Variants in TAF5 observed in about 807,000 individuals in gnomAD.
TAF5 encodes the protein transcription initiation factor TFIID subunit 5.
Under a neutral mutation model 80.9 loss-of-function variants are expected in TAF5, and 20 were observed. The ratio of observed to expected loss-of-function variants is 0.25; its 90% CI spans 0.17 to 0.36. TAF5 has a LOEUF of 0.36. Ranked by LOEUF, TAF5 falls within the 10% of genes least tolerant of loss-of-function variation. The pLI is 1.00. For synonymous variants in TAF5, 388 were observed against 406.4 expected, an observed-to-expected ratio of 0.95 and a Z score of 0.55; for missense variants, 863 against 1,029.4, an observed-to-expected ratio of 0.84 and a Z score of 2.21.
intron 1 of TAF5, 53 bp from the exon 2 acceptor site, chr10:103,373,305 G>C (rs1592090874): frequency 6.8e-7 from 1 of 1,475,938 alleles, no homozygotes; most frequent in East Asian, 2.3e-5. Flanking sequence ...TACAGCCATA[G>C]TCACATGGTC....
chr10:103,368,203 G>T lies in TAF5; in HGVS notation c.214G>T (p.Ala72Ser). The change falls in exon 1 of 11, where the codon GCC becomes TCC. Residue 72 changes from alanine to serine, a missense_variant. Physicochemically the swap from Ala to Ser is moderately conservative, Grantham distance 99 (BLOSUM62 1). Transcript: ENST00000369839. ...CCCCAAGCCCACGGTGGCTGTCTCCGCCGCTGCCCCGGCGGGGGCGGCCCC... is the reference window on the plus strand; with the variant it reads ...CCCCAAGCCCACGGTGGCTGTCTCCTCCGCTGCCCCGGCGGGGGCGGCCCC... Reference protein sequence around the residue: ...GTPKPTVAVSAAAPAGAAPVP... With the variant: ...GTPKPTVAVSSAAPAGAAPVP... 1 of 1,401,022 alleles carries T rather than the reference G, an allele frequency of 7.1e-7. No homozygotes were observed. 86.8% of individuals were successfully genotyped at this position (1,401,022 alleles called of 1,614,324 possible).
At chr10:103,369,853 G>A (rs2093355082) in intron 1 of TAF5, among the ~76,000 whole-genome samples, 1 of 152,162 alleles carries the variant, frequency 6.6e-6, no homozygotes, top group African/African-American at 2.4e-5. Flanking sequence ...GTTTAGGCAT[G>A]GGCATTGGAC....
chr10:103,385,341 C>T lies in TAF5; in HGVS notation c.1680C>T (p.Ser560=). The part of the protein sequence containing the change: ...SFSPDRNYLL[S]SSEDGTVRLW... ...CTTCTCTCAGGAACTATCTGCTTTC[C>T]TCTTCAGAGGACGGAACTGTTAGAT... The change falls in exon 8 of 11, where the codon TCC becomes TCT. Residue 560 remains serine, a synonymous_variant. Coordinates refer to ENST00000369839, the MANE Select transcript of TAF5 (RefSeq NM_006951.5). 2 of 1,609,798 alleles carry T rather than the reference C, an allele frequency of 1.2e-6. No individual in the cohort carries two copies. The highest frequency in any genetic ancestry group is 3.3e-4 in the Middle Eastern group (2 of 6,050).
At chr10:103,381,698 T>C (rs1426300679) in intron 5 of TAF5, 23 bp from the exon 6 acceptor site, 2 of 1,613,458 alleles carry the variant, frequency 1.2e-6, no homozygotes, top group Non-Finnish European at 1.7e-6. Flanking sequence ...TAGTATTGTT[T>C]AGTCTAACCC....
In TAF5 at chr10:103,378,289, T is replaced by C; in HGVS notation, c.852T>C (p.Ser284=). The C allele has an allele frequency of 6.2e-7, 1 of 1,614,180 alleles. No individual in the cohort carries two copies. Among genetic ancestry groups the C allele is most frequent in the Non-Finnish European group, 8.5e-7 (1 of 1,180,028 alleles). ...AGGATGACCTACGAGTATTATCTAG[T>C]CTTACCAAAAAGGAACACATGAAAG... ...YYQDDLRVLS[S]LTKKEHMKGN... Residue 284 remains serine, a synonymous_variant, in exon 3 of 11, where the codon AGT becomes AGC. Coordinates refer to ENST00000369839, the MANE Select transcript of TAF5 (RefSeq NM_006951.5). The surrounding 1 kb of genome is among the most constrained non-coding windows in gnomAD (Gnocchi z 4.1).
At chr10:103,375,445 C>G (rs774962169) in intron 2 of TAF5, among the ~76,000 whole-genome samples, 1 of 152,086 alleles carries the variant, frequency 6.6e-6, no homozygotes, top group South Asian at 2.1e-4. Context: ...ACAGAAAACC[C>G]TAGAAGAGGA....
At position 103,388,167 on chromosome 10, in the gene TAF5, C is replaced by G; in HGVS notation, c.2347C>G (p.Leu783Val). The G allele has an allele frequency of 1.2e-6, 2 of 1,613,992 alleles. No homozygotes were observed. Among genetic ancestry groups the G allele is most frequent in the East Asian group, 4.5e-5 (2 of 44,846 alleles). The change falls in exon 11 of 11, where the codon CTT becomes GTT. Residue 783 changes from leucine to valine, a missense_variant. By Grantham distance (32) the Leu-to-Val change is conservative. This residue lies in a region of TAF5 where 368 missense variants were observed against 461.7 expected (regional missense o/e 0.80). Coordinates refer to ENST00000369839, the MANE Select transcript of TAF5 (RefSeq NM_006951.5). Reference sequence around the variant, plus strand: ...GACCAAATCAACACCAGTTGTACACCTTCATTTTACTCGAAGAAACCTGGT... The same window carrying G: ...GACCAAATCAACACCAGTTGTACACGTTCATTTTACTCGAAGAAACCTGGT... Reference protein sequence around the residue: ...YMTKSTPVVHLHFTRRNLVLA... With the variant: ...YMTKSTPVVHVHFTRRNLVLA...
intron 3 of TAF5, among the ~76,000 whole-genome samples, chr10:103,379,033 A>G (rs2093376119): frequency 6.6e-6 from 1 of 152,138 alleles, no homozygotes. Flanking sequence ...CAATTTGGGT[A>G]TGGTTGCATT....
Position 103,388,340 on chromosome 10 carries a change from G to C in TAF5, c.*117G>C, listed in dbSNP as rs2093402810. On this transcript the variant is annotated 3_prime_UTR_variant, in exon 11 of 11. Transcript: ENST00000369839. ...GAATGTTTTTGTCTATATGGATCTG[G>C]AAGTATGCTGCTTGGAAAAATCTGA... 1 of 887,492 alleles carries C rather than the reference G, an allele frequency of 1.1e-6. No homozygotes were observed. The highest frequency in any genetic ancestry group is 2.8e-5 in the Admixed American group (1 of 35,970). 55.0% of individuals were successfully genotyped at this position (887,492 alleles called of 1,614,324 possible). A position where few individuals can be genotyped will look rare whatever the true frequency, so the allele number is the denominator to read the frequency against.
Position 103,387,681 on chromosome 10 carries a change from G to T in TAF5, c.2168G>T (p.Gly723Val). 6.2e-7 allele frequency: 1 copy of T among 1,610,572 alleles called. No homozygotes were observed. Among genetic ancestry groups the T allele is most frequent in the Non-Finnish European group, 8.5e-7 (1 of 1,179,172 alleles). ...TVCSLRFSRD[G>V]EILASGSMDN... ...TGTTCACTTAGGTTTAGTAGAGATG[G>T]TGAAATTTTGGCATCAGGTAAATGA... is the stretch of plus-strand genomic sequence containing the variant. Residue 723 changes from glycine to valine, a missense_variant, in exon 10 of 11, where the codon GGT becomes GTT. Transcript: ENST00000369839.
intron 5 of TAF5, 50 bp downstream of exon 5, chr10:103,380,069 T>C (rs1325234610): frequency 6.4e-7 from 1 of 1,568,068 alleles, no homozygotes; most frequent in African/African-American, 1.4e-5. Flanking sequence ...TGTAGGATGA[T>C]GATTTACCAT....
At chr10:103,386,459 G>A (rs2093396554) in intron 8 of TAF5, among the ~76,000 whole-genome samples, 1 of 152,012 alleles carries the variant, frequency 6.6e-6, no homozygotes, top group South Asian at 2.1e-4. Flanking sequence ...ACTATTTGGT[G>A]GCCAGAACTA....
Position 103,378,376 on chromosome 10 carries a change from G to T in TAF5, c.939G>T (p.Ser313=), listed in dbSNP as rs766831545. ...TTGTTCTGCGTATTTCCCGTGACTC[G>T]TACCAACTCTTGAAGAGGCATCTTC... ...SKFVLRISRD[S]YQLLKRHLQE... Residue 313 remains serine, a synonymous_variant, in exon 3 of 11, where the codon TCG becomes TCT. Transcript: ENST00000369839. This position sits in a 1 kb window ranked among gnomAD's most constrained non-coding sequence, Gnocchi z 4.1. 3.7e-6 allele frequency: 6 copies of T among 1,614,084 alleles called. No homozygotes were observed. In the South Asian group the frequency reaches 6.6e-5, roughly 18 times the overall value.
At chr10:103,370,473 G>A (rs1302329373) in intron 1 of TAF5, among the ~76,000 whole-genome samples, 1 of 151,086 alleles carries the variant, frequency 6.6e-6, no homozygotes, top group Non-Finnish European at 1.5e-5. Context: ...CCACAGGCAC[G>A]TGCCACCATG....
At chr10:103,385,925 C>CAAAAA (rs761128565) in intron 8 of TAF5, among the ~76,000 whole-genome samples, 455 of 40,864 alleles carry the variant, frequency 0.011, no homozygotes, top group Non-Finnish European at 0.012. Flanking sequence ...GACTTCATCT[C>CAAAAA]AAAAAAAAAA....
At chr10:103,379,087 C>T (rs1207311785) in intron 3 of TAF5, among the ~76,000 whole-genome samples, 1 of 152,134 alleles carries the variant, frequency 6.6e-6, no homozygotes, top group Non-Finnish European at 1.5e-5. Flanking sequence ...GAATTTTTCT[C>T]CCATAAAATG....
At position 103,379,600 on chromosome 10, in the gene TAF5, A is replaced by T. The variant is rs1193779431; in HGVS notation, c.1114-8A>T. On this transcript the variant is annotated splice_polypyrimidine_tract_variant and splice_region_variant and intron_variant, in intron 3 of 10. Transcript: ENST00000369839. ...AATTTTAAAAATGTTGGCTCTTTTG[A>T]CTTGTAGGTATTTTTTGGTTTATTA... 5 of 1,571,200 alleles carry T rather than the reference A, an allele frequency of 3.2e-6. No individual in the cohort carries two copies. The highest frequency in any genetic ancestry group is 8.6e-7 in the Non-Finnish European group (1 of 1,167,818).
Position 103,387,331 on chromosome 10 carries a change from A to G in TAF5, c.1986A>G (p.Val662=), listed in dbSNP as rs1041101318. ...GGGACGTCCTGAATGGTAACTGTGT[A>G]AGGATCTTCACTGGACACAAGGTAT... ...RLWDVLNGNC[V]RIFTGHKGPI... The change falls in exon 9 of 11, where the codon GTA becomes GTG. Residue 662 remains valine (V), a synonymous_variant. Coordinates refer to ENST00000369839, the MANE Select transcript of TAF5 (RefSeq NM_006951.5). 33 of 1,613,660 alleles carry G rather than the reference A, an allele frequency of 2.0e-5. No individual in the cohort carries two copies. Among genetic ancestry groups the G allele is most frequent in the Non-Finnish European group, 2.6e-5 (31 of 1,179,876 alleles).
chr10:103,387,247 A>G lies in TAF5; in HGVS notation c.1902A>G (p.Arg634=), dbSNP rs761271564. Residue 634 remains arginine (R), a synonymous_variant, in exon 9 of 11, where the codon AGA becomes AGG. Coordinates refer to ENST00000369839, the MANE Select transcript of TAF5 (RefSeq NM_006951.5). ...AGHLADVNCT[R]FHPNSNYVAT... The stretch of plus-strand genomic sequence containing the variant: ...ATCTTGCTGATGTGAATTGTACCAG[A>G]TTCCATCCAAATTCTAATTATGTTG... 1 of 1,614,168 alleles carries G rather than the reference A, an allele frequency of 6.2e-7. No individual in the cohort carries two copies.
Sources: gnomAD v4.1 joint callset for allele counts (sites outside exome capture counted in the v4.1 genomes callset) on GRCh38, gnomAD v4.1.1 for gene constraint, gnomAD v4.1.1 regional missense constraint, Gnocchi (gnomAD v3.1) non-coding constraint, MANE v1.5 for transcripts, NCBI Gene and HGNC (gene_info 2026-07-23, HGNC 2026-07-21) for gene names.